Variants in STARD13 observed in about 807,000 individuals in gnomAD.
STARD13 encodes the protein StAR related lipid transfer domain containing 13.
In STARD13, 62 loss-of-function variants were observed where a neutral mutation model predicts 106.4. That is an observed-to-expected ratio of 0.58 (90% CI 0.48 to 0.72). STARD13 has a LOEUF of 0.72. Among genes scored for constraint, STARD13 ranks in the 30% least tolerant of loss-of-function variants. The pLI is 0.00. For missense variants in STARD13, 1,387 were observed against 1,424.0 expected, an observed-to-expected ratio of 0.97 and a Z score of 0.42; for synonymous variants, 565 against 553.0, an observed-to-expected ratio of 1.02 and a Z score of -0.31.
chr13:33,608,360 T>C, the STARD13 span, among the ~76,000 whole-genome samples: 2 of 152,222 alleles, frequency 1.3e-5, no homozygotes, highest in Non-Finnish European at 2.9e-5. Context: ...TAGGCATTTT[T>C]AGGGATCTGG....
the STARD13 span, among the ~76,000 whole-genome samples, chr13:33,619,488 G>A: frequency 2.6e-5 from 4 of 152,082 alleles, no homozygotes; most frequent in Non-Finnish European, 5.9e-5. Flanking sequence ...TACTTTAAAT[G>A]AACCTAATTA....
At chr13:33,520,539 A>T in the STARD13 span, among the ~76,000 whole-genome samples, 74 of 152,262 alleles carry the variant, frequency 4.9e-4, no homozygotes, top group African/African-American at 1.7e-3. Flanking sequence ...TTTAAACAAT[A>T]GCGGCCAGTC....
intron 1 of STARD13, among the ~76,000 whole-genome samples, chr13:33,296,550 T>A (rs1892502240): frequency 6.6e-6 from 1 of 151,912 alleles, no homozygotes; most frequent in South Asian, 2.1e-4. Context: ...ACTTAGCATC[T>A]CCCCCATTCC....
the STARD13 span, among the ~76,000 whole-genome samples, chr13:33,610,095 C>T: frequency 6.6e-6 from 1 of 151,964 alleles, no homozygotes; most frequent in Non-Finnish European, 1.5e-5. Context: ...CCTAAAGTGG[C>T]CGGTTAAGTG....
At chr13:33,435,520 T>C in the STARD13 span, among the ~76,000 whole-genome samples, 1 of 152,220 alleles carries the variant, frequency 6.6e-6, no homozygotes, top group African/African-American at 2.4e-5. Context: ...TGATGCTTTC[T>C]TTTTGCCTCA....
At chr13:33,552,936 G>T in the STARD13 span, among the ~76,000 whole-genome samples, 2 of 152,202 alleles carry the variant, frequency 1.3e-5, no homozygotes, top group Non-Finnish European at 2.9e-5. Context: ...GAAAGGAAGA[G>T]AAATGAATTA....
chr13:33,208,528 G>A (rs1887541957), intron 1 of STARD13, among the ~76,000 whole-genome samples: 3 of 152,198 alleles, frequency 2.0e-5, no homozygotes, highest in Admixed American at 2.0e-4. Context: ...GAGAGGGTAT[G>A]GGGAGTTCAT....
intron 1 of STARD13, among the ~76,000 whole-genome samples, chr13:33,204,325 G>T (rs960241037): frequency 6.6e-6 from 1 of 152,096 alleles, no homozygotes; most frequent in Non-Finnish European, 1.5e-5. Context: ...AGTATCAGAC[G>T]CACATCTCTC....
At chr13:33,254,182 C>A (rs963908495) in intron 1 of STARD13, among the ~76,000 whole-genome samples, 71 of 152,110 alleles carry the variant, frequency 4.7e-4, no homozygotes, top group African/African-American at 1.6e-3. Flanking sequence ...TAGTGGGTGG[C>A]AAAGCGGACT....
At chr13:33,127,232 C>T in intron 6 of STARD13, 141 bp downstream of exon 6, 1 of 933,856 alleles carries the variant, frequency 1.1e-6, no homozygotes, top group South Asian at 2.1e-5. Flanking sequence ...TACGGCAGAG[C>T]TCATGCCTTA....
At chr13:33,672,747 G>A in the STARD13 span, among the ~76,000 whole-genome samples, 1 of 152,086 alleles carries the variant, frequency 6.6e-6, no homozygotes, top group African/African-American at 2.4e-5. Context: ...ATATAATGAT[G>A]GGAAATAATT....
chr13:33,581,059 C>T, the STARD13 span, among the ~76,000 whole-genome samples: 1 of 152,068 alleles, frequency 6.6e-6, no homozygotes, highest in Non-Finnish European at 1.5e-5. Flanking sequence ...TAAATATGTC[C>T]TAACCACAAA....
chr13:33,194,769 A>G (rs1566065402), intron 1 of STARD13, among the ~76,000 whole-genome samples: 2 of 152,256 alleles, frequency 1.3e-5, no homozygotes, highest in African/African-American at 2.4e-5. Flanking sequence ...TTTTTAAAAA[A>G]TCAGAAACGA....
chr13:33,146,701 C>T (rs192875983), intron 3 of STARD13, among the ~76,000 whole-genome samples: 2 of 152,272 alleles, frequency 1.3e-5, no homozygotes, highest in Admixed American at 1.3e-4. Flanking sequence ...AAAGTACTGG[C>T]AGATATTGTC....
the STARD13 span, among the ~76,000 whole-genome samples, chr13:33,398,808 G>A: frequency 6.6e-6 from 1 of 152,180 alleles, no homozygotes; most frequent in East Asian, 1.9e-4. Flanking sequence ...CATTGCTGGA[G>A]AAAATCTAAA....
intron 1 of STARD13, among the ~76,000 whole-genome samples, chr13:33,168,132 C>A (rs1883548325): frequency 6.6e-6 from 1 of 151,588 alleles, no homozygotes; most frequent in African/African-American, 2.4e-5. Flanking sequence ...TGAAAAAAAG[C>A]TAAAATCCAG....
chr13:33,623,664 A>G, the STARD13 span, among the ~76,000 whole-genome samples: 1 of 152,108 alleles, frequency 6.6e-6, no homozygotes, highest in African/African-American at 2.4e-5. Flanking sequence ...TACTAAAAAG[A>G]CAACCAAATC....
chr13:33,509,397 C>G, the STARD13 span, among the ~76,000 whole-genome samples: 1 of 152,074 alleles, frequency 6.6e-6, no homozygotes, highest in Non-Finnish European at 1.5e-5. Context: ...GGAAACATAA[C>G]GGGAAAAGAG....
chr13:33,125,039 C>T (rs1876953638), intron 7 of STARD13, among the ~76,000 whole-genome samples: 1 of 152,210 alleles, frequency 6.6e-6, no homozygotes, highest in African/African-American at 2.4e-5. Flanking sequence ...TCAAAGACAA[C>T]TTCAAATGAA....
Sources: gnomAD v4.1 joint callset for allele counts (sites outside exome capture counted in the v4.1 genomes callset) on GRCh38, gnomAD v4.1.1 for gene constraint, MANE v1.5 for transcripts, NCBI Gene and HGNC (gene_info 2026-07-23, HGNC 2026-07-21) for gene names.